Variants in ADORA2B observed in about 807,000 individuals in gnomAD.
ADORA2B encodes the protein adenosine receptor A2b.
Under a neutral mutation model 20.8 loss-of-function variants are expected in ADORA2B, and 18 were observed. The observed-to-expected ratio is 0.87, with a 90% CI of 0.60 to 1.29. ADORA2B has a LOEUF of 1.29. Among genes scored for constraint, ADORA2B ranks in the 50% most tolerant of loss-of-function variants. ADORA2B has a pLI of 0.00. For missense variants in ADORA2B, 441 were observed against 422.7 expected, an observed-to-expected ratio of 1.04 and a Z score of -0.38; for synonymous variants, 179 against 178.3, an observed-to-expected ratio of 1.00 and a Z score of -0.03.
the ADORA2B span, among the ~76,000 whole-genome samples, chr17:15,888,185 A>C: frequency 7.8e-6 from 1 of 128,366 alleles, no homozygotes; most frequent in African/African-American, 3.3e-5. Flanking sequence ...ATACGAAAGA[A>C]ATCAGATCAG....
chr17:15,968,127 TGGGGAGAAGTAACAA>T (rs1970144144), intron 1 of ADORA2B, among the ~76,000 whole-genome samples: 3 of 152,122 alleles, frequency 2.0e-5, no homozygotes, highest in Admixed American at 6.5e-5. Flanking sequence ...TGGCCTGTCT[TGGGGAGAAGTAACAA>T]GGGCTATGGG....
intron 1 of ADORA2B, among the ~76,000 whole-genome samples, chr17:15,972,591 C>CA (rs1970202592): frequency 1.3e-5 from 2 of 152,078 alleles, no homozygotes; most frequent in Non-Finnish European, 2.9e-5. Context: ...ACCTCTTAGG[C>CA]AGAGGTGGCC....
At position 15,945,407 on chromosome 17, in the gene ADORA2B, C is replaced by T. The variant is rs1172080850; in HGVS notation, c.159C>T (p.Asp53=). The T allele has an allele frequency of 2.0e-5, 32 of 1,613,398 alleles. No individual in the cohort carries two copies. Among genetic ancestry groups the T allele is most frequent in the Admixed American group, 5.0e-5 (3 of 60,016 alleles). Residue 53 remains aspartate, a synonymous_variant, in exon 1 of 2, where the codon GAC becomes GAT. Coordinates refer to ENST00000304222, the MANE Select transcript of ADORA2B (RefSeq NM_000676.4). ...TCCTGGTGTCCCTGGCTGCGGCCGA[C>T]GTGGCCGTGGGGCTCTTCGCCATCC... The part of the protein sequence containing the change: ...NYFLVSLAAA[D]VAVGLFAIPF...
the ADORA2B span, among the ~76,000 whole-genome samples, chr17:15,859,055 C>T: frequency 6.6e-6 from 1 of 152,092 alleles, no homozygotes; most frequent in Non-Finnish European, 1.5e-5. Flanking sequence ...AACTCCTGGC[C>T]TCAAGCAGTC....
the ADORA2B span, among the ~76,000 whole-genome samples, chr17:15,939,883 G>C: frequency 1.7e-5 from 2 of 120,094 alleles, no homozygotes; most frequent in Non-Finnish European, 1.7e-5. Flanking sequence ...AAAAAAAAAA[G>C]AAGTTACATT....
At chr17:15,958,439 C>T (rs993009222) in intron 1 of ADORA2B, among the ~76,000 whole-genome samples, 1 of 152,224 alleles carries the variant, frequency 6.6e-6, no homozygotes, top group African/African-American at 2.4e-5. Context: ...TTCTTTTAGC[C>T]CATTCTTCAC....
chr17:15,871,691 A>G, the ADORA2B span, among the ~76,000 whole-genome samples: 1 of 152,228 alleles, frequency 6.6e-6, no homozygotes, highest in Non-Finnish European at 1.5e-5. Flanking sequence ...CGCTGGATGC[A>G]GAGTCCCTAA....
upstream of ADORA2B, among the ~76,000 whole-genome samples, chr17:15,942,142 C>G (rs1459625062): frequency 2.6e-5 from 4 of 152,176 alleles, no homozygotes; most frequent in African/African-American, 9.7e-5. Context: ...GAAATCTGTC[C>G]TCCCAAATCT....
chr17:15,966,353 T>C (rs976058834), intron 1 of ADORA2B, among the ~76,000 whole-genome samples: 3 of 152,224 alleles, frequency 2.0e-5, no homozygotes, highest in Non-Finnish European at 2.9e-5. Context: ...GTGTTTCCGA[T>C]GGGAAGCTCA....
intron 1 of ADORA2B, among the ~76,000 whole-genome samples, chr17:15,950,883 T>C (rs1969892595): frequency 6.6e-6 from 1 of 152,178 alleles, no homozygotes; most frequent in South Asian, 2.1e-4. Context: ...GCCACTGCAT[T>C]GGTTTACCGC....
intron 1 of ADORA2B, among the ~76,000 whole-genome samples, chr17:15,961,857 T>A (rs1970045939): frequency 6.6e-6 from 1 of 152,182 alleles, no homozygotes; most frequent in African/African-American, 2.4e-5. Context: ...CCCATGATAG[T>A]GACATTAATT....
the ADORA2B span, among the ~76,000 whole-genome samples, chr17:15,920,699 G>A: frequency 2.9e-4 from 42 of 143,826 alleles, no homozygotes; most frequent in African/African-American, 9.8e-4. Flanking sequence ...CCAGCCTGGT[G>A]ATAGAGGGAG....
the ADORA2B span, among the ~76,000 whole-genome samples, chr17:15,853,800 G>A: frequency 9.6e-3 from 1,455 of 152,208 alleles, 22 homozygotes; most frequent in African/African-American, 0.033. Flanking sequence ...AACTTTCTTA[G>A]ATCATTTAAG....
At chr17:15,916,832 A>G in the ADORA2B span, among the ~76,000 whole-genome samples, 3 of 152,212 alleles carry the variant, frequency 2.0e-5, no homozygotes, top group Admixed American at 6.5e-5. Context: ...TCATTGCCAG[A>G]CCATTTTATA....
chr17:15,961,614 C>G (rs924909791), intron 1 of ADORA2B, among the ~76,000 whole-genome samples: 1 of 152,214 alleles, frequency 6.6e-6, no homozygotes, highest in Non-Finnish European at 1.5e-5. Context: ...CAGAATACCA[C>G]AGACTGCATA....
At chr17:15,877,345 G>A in the ADORA2B span, among the ~76,000 whole-genome samples, 3 of 152,192 alleles carry the variant, frequency 2.0e-5, no homozygotes, top group African/African-American at 7.2e-5. Context: ...CTCATGTTTA[G>A]GTGGAGGCTC....
chr17:15,899,366 T>C, the ADORA2B span, among the ~76,000 whole-genome samples: 510 of 152,352 alleles, frequency 3.3e-3, 4 homozygotes, highest in Middle Eastern at 0.041. Context: ...AATTTTCTTA[T>C]ATGTATATAT....
chr17:15,852,541 CAA>C, the ADORA2B span, among the ~76,000 whole-genome samples: 1 of 151,448 alleles, frequency 6.6e-6, no homozygotes, highest in African/African-American at 2.4e-5. Flanking sequence ...ATGAAAAAAA[CAA>C]GAGAAAACTA....
chr17:15,926,287 G>A, the ADORA2B span, among the ~76,000 whole-genome samples: 1 of 151,956 alleles, frequency 6.6e-6, no homozygotes, highest in Non-Finnish European at 1.5e-5. Flanking sequence ...TCTGGCAGGG[G>A]ACGCAGACAA....
Sources: gnomAD v4.1 joint callset for allele counts (sites outside exome capture counted in the v4.1 genomes callset) on GRCh38, gnomAD v4.1.1 for gene constraint, MANE v1.5 for transcripts, NCBI Gene and HGNC (gene_info 2026-07-23, HGNC 2026-07-21) for gene names.